Variants in CLSTN2 observed in about 807,000 individuals in gnomAD.
CLSTN2 encodes calsyntenin 2, also known as calsyntenin-2.
In CLSTN2, 48 loss-of-function variants were observed where a neutral mutation model predicts 101.2. That is an observed-to-expected ratio of 0.47 (90% CI 0.38 to 0.60). CLSTN2 has a LOEUF of 0.60. Among genes scored for constraint, CLSTN2 ranks in the 20% least tolerant of loss-of-function variants. The pLI is 0.00. For missense variants in CLSTN2, 1,160 were observed against 1,238.2 expected (o/e 0.94, Z 0.95); for synonymous variants, 481 against 463.6 (o/e 1.04, Z -0.48).
chr3:140,464,220 G>A (rs531165998), intron 7 of CLSTN2, among the ~76,000 whole-genome samples: 14 of 152,288 alleles, frequency 9.2e-5, no homozygotes, highest in African/African-American at 2.4e-4. Flanking sequence ...GGATGAAGAC[G>A]TAGAACAAGA....
chr3:140,318,095 C>T (rs1013691637), intron 2 of CLSTN2, among the ~76,000 whole-genome samples: 11 of 152,180 alleles, frequency 7.2e-5, no homozygotes, highest in South Asian at 2.1e-4. Context: ...TCCAAAATAG[C>T]TCACATTGTA....
At chr3:140,130,739 T>C (rs1278954469) in intron 1 of CLSTN2, among the ~76,000 whole-genome samples, 4 of 152,124 alleles carry the variant, frequency 2.6e-5, no homozygotes, top group African/African-American at 4.8e-5. Flanking sequence ...CTGGAGGCCT[T>C]CTCAGGGGAA....
At chr3:140,511,541 CTTTTTTTT>C (rs59924727) in intron 8 of CLSTN2, among the ~76,000 whole-genome samples, 2 of 70,880 alleles carry the variant, frequency 2.8e-5, no homozygotes, top group Non-Finnish European at 2.6e-5. Flanking sequence ...TGTTTCTGGA[CTTTTTTTT>C]TTTTTTTTTT....
At chr3:139,959,368 A>T (rs924242193) in intron 1 of CLSTN2, among the ~76,000 whole-genome samples, 1 of 152,172 alleles carries the variant, frequency 6.6e-6, no homozygotes, top group Non-Finnish European at 1.5e-5. Flanking sequence ...TGAGGTACAT[A>T]GTGTCGTTAG....
intron 1 of CLSTN2, among the ~76,000 whole-genome samples, chr3:139,973,329 A>G (rs536221323): frequency 6.6e-6 from 1 of 152,248 alleles, no homozygotes; most frequent in East Asian, 1.9e-4. Context: ...CCAAGCATCA[A>G]GTTCCAGCCA....
At chr3:140,114,524 G>A (rs2009208659) in intron 1 of CLSTN2, among the ~76,000 whole-genome samples, 2 of 152,264 alleles carry the variant, frequency 1.3e-5, no homozygotes, top group South Asian at 2.1e-4. Context: ...ATAAATTTAT[G>A]TTGGAAGAAC....
intron 6 of CLSTN2, chr3:140,454,872 C>G (rs1002482830): frequency 6.6e-6 from 1 of 152,212 alleles, no homozygotes; most frequent in African/African-American, 2.4e-5. Context: ...CATGGCCAAG[C>G]TGATATCAGT....
chr3:140,422,417 G>A (rs932308273), intron 5 of CLSTN2, among the ~76,000 whole-genome samples: 2 of 152,074 alleles, frequency 1.3e-5, no homozygotes, highest in African/African-American at 4.8e-5. Flanking sequence ...AAGGACACCT[G>A]TTTCAGAAGC....
At chr3:140,538,631 G>A (rs543706823) in intron 9 of CLSTN2, among the ~76,000 whole-genome samples, 4 of 152,298 alleles carry the variant, frequency 2.6e-5, no homozygotes, top group South Asian at 4.1e-4. Flanking sequence ...CAGAGGCTTG[G>A]AGTGCATGCC....
intron 2 of CLSTN2, among the ~76,000 whole-genome samples, chr3:140,216,592 G>A (rs2010924245): frequency 6.6e-6 from 1 of 152,296 alleles, no homozygotes; most frequent in East Asian, 1.9e-4. Flanking sequence ...TAGAATGCTA[G>A]GAAATTTGGT....
At chr3:140,242,420 C>A (rs2086478201) in intron 2 of CLSTN2, among the ~76,000 whole-genome samples, 1 of 152,110 alleles carries the variant, frequency 6.6e-6, no homozygotes, top group Admixed American at 6.5e-5. Flanking sequence ...CTAAGTCTTC[C>A]ATGGACCAGC....
intron 2 of CLSTN2, among the ~76,000 whole-genome samples, chr3:140,198,360 A>G (rs1160154457): frequency 6.6e-6 from 1 of 152,140 alleles, no homozygotes; most frequent in Non-Finnish European, 1.5e-5. Context: ...TTATCTCACA[A>G]TTTTTGTGCA....
chr3:140,193,516 TTTTG>T (rs370066949), intron 2 of CLSTN2, among the ~76,000 whole-genome samples: 44 of 151,866 alleles, frequency 2.9e-4, no homozygotes, highest in African/African-American at 9.4e-4. Context: ...GCCATTCTGT[TTTTG>T]TTTGTTTGTT....
intron 2 of CLSTN2, among the ~76,000 whole-genome samples, chr3:140,203,462 T>TTTTTTTG (rs1559805519): frequency 3.4e-5 from 1 of 29,578 alleles, no homozygotes; most frequent in Non-Finnish European, 7.0e-5. Flanking sequence ...AAAGTGTGGG[T>TTTTTTTG]TTTTTTTTTT....
chr3:140,547,766 A>G (rs1250420337), intron 10 of CLSTN2, among the ~76,000 whole-genome samples: 1 of 152,202 alleles, frequency 6.6e-6, no homozygotes, highest in Non-Finnish European at 1.5e-5. Flanking sequence ...TCCTGAATAA[A>G]GAGCAGAGCC....
At chr3:140,205,129 T>C in intron 2 of CLSTN2, among the ~76,000 whole-genome samples, 1 of 152,172 alleles carries the variant, frequency 6.6e-6, no homozygotes, top group East Asian at 1.9e-4. Context: ...AATCTTCACG[T>C]TGAGGAAATC....
intron 1 of CLSTN2, among the ~76,000 whole-genome samples, chr3:140,081,951 C>T (rs1278928441): frequency 6.6e-6 from 1 of 152,122 alleles, no homozygotes; most frequent in Non-Finnish European, 1.5e-5. Flanking sequence ...ATTTAACTAA[C>T]TGTAACTTGT....
chr3:140,024,415 T>C (rs2007377791), intron 1 of CLSTN2, among the ~76,000 whole-genome samples: 1 of 152,226 alleles, frequency 6.6e-6, no homozygotes, highest in South Asian at 2.1e-4. Flanking sequence ...AGGACCCACA[T>C]CAGCTGCATG....
chr3:139,986,996 A>G (rs974705667), intron 1 of CLSTN2, among the ~76,000 whole-genome samples: 20 of 152,158 alleles, frequency 1.3e-4, no homozygotes, highest in African/African-American at 4.6e-4. Context: ...ACTTAAAATT[A>G]TATCATACAT....
Sources: allele counts gnomAD v4.1 joint callset (sites outside exome capture counted in the v4.1 genomes callset), GRCh38; gene constraint gnomAD v4.1.1; transcripts MANE v1.5; gene names NCBI Gene and HGNC (gene_info 2026-07-23, HGNC 2026-07-21).